Variants in CRMP1 observed in about 807,000 individuals in gnomAD.
The protein encoded by CRMP1 is dihydropyrimidinase-related protein 1.
Under a neutral mutation model 68.3 loss-of-function variants are expected in CRMP1, and 19 were observed. That is an observed-to-expected ratio of 0.28 (90% CI 0.19 to 0.41). CRMP1 has a LOEUF of 0.41. Ranked by LOEUF, CRMP1 falls within the 10% of genes least tolerant of loss-of-function variation. The pLI, the probability that CRMP1 is intolerant of heterozygous loss-of-function variation, is 1.00. For missense variants in CRMP1, 791 were observed against 967.4 expected (o/e 0.82, Z 2.42); for synonymous variants, 439 against 399.6 (o/e 1.10, Z -1.18).
chr4:5,822,323 A>T (rs1294543254), intron 13 of CRMP1, among the ~76,000 whole-genome samples: 1 of 152,038 alleles, frequency 6.6e-6, no homozygotes, highest in Non-Finnish European at 1.5e-5. Flanking sequence ...TGAAGCCCAA[A>T]CTGGTTGGTT....
chr4:5,862,705 G>C (rs17444546), intron 2 of CRMP1, among the ~76,000 whole-genome samples: 61,486 of 152,006 alleles, frequency 0.4, 15,453 homozygotes, highest in East Asian at 0.74. Context: ...TCTACACATG[G>C]GCACGGACCT....
rs749321300 is a variant in CRMP1 at position 5,856,326 on chromosome 4, C to A, written c.656-19G>T. 2 of 1,610,586 alleles carry A rather than the reference C, an allele frequency of 1.2e-6. No individual in the cohort carries two copies. Among genetic ancestry groups the A allele is most frequent in the South Asian group, 2.2e-5 (2 of 90,656 alleles). On this transcript the variant is annotated intron_variant, in intron 3 of 13. Coordinates refer to ENST00000324989, the MANE Select transcript of CRMP1 (RefSeq NM_001014809.3). Reference sequence around the variant, plus strand: ...TGGTCAACTGGGACAGAGAAATATGCATCATGATGCTTCAGACTCAAGTGT... The same window carrying A: ...TGGTCAACTGGGACAGAGAAATATGAATCATGATGCTTCAGACTCAAGTGT...
chr4:5,875,166 C>T (rs1714721831), intron 1 of CRMP1, among the ~76,000 whole-genome samples: 1 of 80,406 alleles, frequency 1.2e-5, no homozygotes, highest in South Asian at 6.0e-4. Flanking sequence ...AAGCTTCAGG[C>T]ATTTTTATCC....
rs1720246700 is a variant in CRMP1, at chr4:5,830,026, A to C, written c.1624-1358T>G. Among the ~76,000 whole-genome samples, 3 of 152,206 alleles carry C rather than the reference A, an allele frequency of 2.0e-5. No homozygotes were observed. The South Asian group carries it at 6.2e-4, about 32-fold the overall frequency. On this transcript the variant is annotated intron_variant, in intron 11 of 13. Coordinates refer to ENST00000324989, the MANE Select transcript of CRMP1 (RefSeq NM_001014809.3). ...TTGGTAAACAGTATCTATGTATATT[A>C]AACTCCTGATCTCAGTTGCTGGCAC...
chr4:5,875,720 G>C (rs1483115264), intron 1 of CRMP1, among the ~76,000 whole-genome samples: 2 of 134,226 alleles, frequency 1.5e-5, no homozygotes, highest in East Asian at 4.8e-4. Flanking sequence ...GTGGGGGTTG[G>C]TGCTGTCCGC....
rs1714012174 is a variant in CRMP1, at chr4:5,866,540, G to T, written c.470+128C>A. The T allele has an allele frequency of 3.0e-6, 2 of 665,826 alleles. No individual in the cohort carries two copies. Among genetic ancestry groups the T allele is most frequent in the East Asian group, 5.6e-5 (2 of 35,704 alleles). 41.2% of individuals were successfully genotyped at this position (665,826 alleles called of 1,614,324 possible). On this transcript the variant is annotated intron_variant, in intron 2 of 13. Coordinates refer to ENST00000324989, the MANE Select transcript of CRMP1 (RefSeq NM_001014809.3). The surrounding 1 kb of genome is among the most constrained non-coding windows in gnomAD (Gnocchi z 5.9). ...GTGCACCTCCCCCAACCTCTGTGAGGTCTCTACCCCTGAAACACAGGTACA... is the reference window on the plus strand; with the variant it reads ...GTGCACCTCCCCCAACCTCTGTGAGTTCTCTACCCCTGAAACACAGGTACA...
chr4:5,837,156 G>A (rs1720777980), intron 9 of CRMP1, among the ~76,000 whole-genome samples: 1 of 152,176 alleles, frequency 6.6e-6, no homozygotes, highest in South Asian at 2.1e-4. Flanking sequence ...CTTGACATAA[G>A]GCAGTTGGCT....
intron 13 of CRMP1, chr4:5,824,731 A>C (rs1464005139): frequency 1.0e-6 from 1 of 985,162 alleles, no homozygotes; most frequent in African/African-American, 1.8e-5. Context: ...CGGCCTTCTA[A>C]GAAAAAAAAT....
chr4:5,828,856 C>G (rs925256823), intron 11 of CRMP1, among the ~76,000 whole-genome samples, 188 bp from the exon 12 acceptor site: 1 of 152,180 alleles, frequency 6.6e-6, no homozygotes, highest in South Asian at 2.1e-4. Context: ...AACAACTCAC[C>G]GTTGCGCATG....
Position 5,823,330 on chromosome 4 carries a change from G to A in CRMP1, c.1970-1479C>T, listed in dbSNP as rs185924403. ...TCACTGGTAGACAATATGTCTTCTT[G>A]CAATACAAGTCTCCCCTAAAGGCCT... On this transcript the variant is annotated intron_variant, in intron 13 of 13. Transcript: ENST00000324989. Among the ~76,000 whole-genome samples, 15 of 152,246 alleles carry A rather than the reference G, an allele frequency of 9.9e-5. No individual in the cohort carries two copies. The East Asian group carries it at 2.9e-3, about 29-fold the overall frequency.
intron 13 of CRMP1, chr4:5,824,940 C>T (rs1719305196): frequency 1.0e-6 from 1 of 985,442 alleles, no homozygotes; most frequent in Non-Finnish European, 1.2e-6. Context: ...TGTTCCCACA[C>T]ATTTGTTGAG....
chr4:5,850,170 T>C lies in CRMP1; in HGVS notation c.883-698A>G, dbSNP rs988603564. ...GGACACTTGAACCTCAACTTTGTTC[T>C]CCATGCATGCAAGACAACATCCCCT... On this transcript the variant is annotated intron_variant, in intron 5 of 13. Coordinates refer to ENST00000324989, the MANE Select transcript of CRMP1 (RefSeq NM_001014809.3). This position sits in a 1 kb window ranked among gnomAD's most constrained non-coding sequence, Gnocchi z 4.4. Among the ~76,000 whole-genome samples, 1 of 152,188 alleles carries C rather than the reference T, an allele frequency of 6.6e-6. No homozygotes were observed. The highest frequency in any genetic ancestry group is 2.4e-5 in the African/African-American group (1 of 41,456).
chr4:5,827,091 C>T (rs887434374), intron 12 of CRMP1, among the ~76,000 whole-genome samples: 2 of 152,220 alleles, frequency 1.3e-5, no homozygotes, highest in Admixed American at 6.5e-5. Flanking sequence ...CTCCTGCAGG[C>T]ATGAAGGAAT....
In CRMP1 at chr4:5,854,548, C is replaced by A. The variant is rs1416823585; in HGVS notation, c.820+1595G>T. On this transcript the variant is annotated intron_variant, in intron 4 of 13. Transcript: ENST00000324989. The surrounding 1 kb of genome is among the most constrained non-coding windows in gnomAD (Gnocchi z 4.0). The stretch of plus-strand genomic sequence containing the variant: ...GCATGAGCCACCATGGCCAATAATG[C>A]CTTCTTGATAGAAAGAGCTTAAACA... Among the ~76,000 whole-genome samples the A allele has an allele frequency of 6.6e-6, 1 of 151,836 alleles. No individual in the cohort carries two copies. The highest frequency in any genetic ancestry group is 1.5e-5 in the Non-Finnish European group (1 of 67,954).
At chr4:5,837,346 CAG>C (rs1405222043) in intron 9 of CRMP1, among the ~76,000 whole-genome samples, 1 of 151,678 alleles carries the variant, frequency 6.6e-6, no homozygotes, top group African/African-American at 2.4e-5. Flanking sequence ...ATGAATGGAC[CAG>C]GCTGAGTGTG....
chr4:5,824,896 G>T, intron 13 of CRMP1: 1 of 985,396 alleles, frequency 1.0e-6, no homozygotes, highest in Non-Finnish European at 1.2e-6. Context: ...GAGACCTTAA[G>T]AAAGTCAGGA....
At position 5,888,087 on chromosome 4, in the gene CRMP1, G is replaced by A; in HGVS notation, c.381+4502C>T. ...CTGGGGGAGGGGGCTGAAATCCCGA[G>A]ACCGGCCCCGCCCCACCCGCGGCGA... On this transcript the variant is annotated intron_variant, in intron 1 of 13. Transcript: ENST00000324989. The surrounding 1 kb of genome is among the most constrained non-coding windows in gnomAD (Gnocchi z 6.4). 1 of 996,224 alleles carries A rather than the reference G, an allele frequency of 1.0e-6. No homozygotes were observed. The highest frequency in any genetic ancestry group is 1.3e-6 in the Non-Finnish European group (1 of 777,962). The allele number at this position is 996,224 out of a possible 1,614,324, so 61.7% of individuals were successfully genotyped here. A position where few individuals can be genotyped will look rare whatever the true frequency, so the allele number is the denominator to read the frequency against.
rs977321158 is a variant in CRMP1, at chr4:5,858,244, A to C, written c.656-1937T>G. On this transcript the variant is annotated intron_variant, in intron 3 of 13. Transcript: ENST00000324989. The surrounding 1 kb of genome is among the most constrained non-coding windows in gnomAD (Gnocchi z 5.5). ...AGGACTCCATCCCCTACTGTTCACT[A>C]TGCTTACTAATTGGATCCCTTTTCT... is the stretch of plus-strand genomic sequence containing the variant. Among the ~76,000 whole-genome samples the C allele has an allele frequency of 6.6e-6, 1 of 151,970 alleles. No homozygotes were observed. Among genetic ancestry groups the C allele is most frequent in the East Asian group, 1.9e-4 (1 of 5,162 alleles).
At chr4:5,851,329 G>T in intron 5 of CRMP1, 79 bp downstream of exon 5, 1 of 1,270,800 alleles carries the variant, frequency 7.9e-7, no homozygotes. Flanking sequence ...AATCTCCCTT[G>T]CCCTGTGCTG....
Sources: gnomAD v4.1 joint callset for allele counts (sites outside exome capture counted in the v4.1 genomes callset) on GRCh38, gnomAD v4.1.1 for gene constraint, Gnocchi (gnomAD v3.1) non-coding constraint, MANE v1.5 for transcripts, NCBI Gene and HGNC (gene_info 2026-07-23, HGNC 2026-07-21) for gene names.